Variants in NDUFA10 observed in about 807,000 individuals in gnomAD.
The protein encoded by NDUFA10 is NADH:ubiquinone oxidoreductase subunit A10, also known as NADH dehydrogenase [ubiquinone] 1 alpha subcomplex subunit 10, mitochondrial.
In NDUFA10, 40 loss-of-function variants were observed where a neutral mutation model predicts 47.8. The observed-to-expected ratio is 0.84, with a 90% confidence interval of 0.65 to 1.09. The LOEUF (loss-of-function observed/expected upper bound fraction) is 1.09. Among genes scored for constraint, NDUFA10 ranks in the 50% least tolerant of loss-of-function variants. The pLI, the probability that NDUFA10 is intolerant of heterozygous loss-of-function variation, is 0.00. For synonymous variants in NDUFA10, 183 were observed against 172.2 expected (o/e 1.06, Z -0.49); for missense variants, 413 against 451.1 (o/e 0.92, Z 0.76).
At chr2:239,898,992 T>TGTGATGGAGAGGG (rs1693463567) in intron 4 of NDUFA10, among the ~76,000 whole-genome samples, 1 of 77,694 alleles carries the variant, frequency 1.3e-5, no homozygotes, top group South Asian at 5.5e-4. Context: ...GATGGAGAGG[T>TGTGATGGAGAGGG]GTGATGGAGA....
chr2:239,901,653 G>C (rs1267840856), intron 4 of NDUFA10, among the ~76,000 whole-genome samples: 1 of 151,850 alleles, frequency 6.6e-6, no homozygotes, highest in African/African-American at 2.4e-5. Context: ...AACACATTTT[G>C]TAAGGCTATA....
chr2:239,895,477 C>T (rs1249757153), intron 4 of NDUFA10, among the ~76,000 whole-genome samples: 1 of 152,202 alleles, frequency 6.6e-6, no homozygotes, highest in Non-Finnish European at 1.5e-5. Context: ...AATGAAAACA[C>T]ACAGTCCCTT....
At chr2:239,955,105 A>C (rs1027462673), downstream of NDUFA10, among the ~76,000 whole-genome samples, 3 of 152,210 alleles carry the variant, frequency 2.0e-5, no homozygotes, top group Admixed American at 6.5e-5. Flanking sequence ...ATTTTATTTC[A>C]ATAGGAAGGA....
chr2:239,900,969 T>C (rs933953354), intron 4 of NDUFA10, among the ~76,000 whole-genome samples: 5 of 152,244 alleles, frequency 3.3e-5, no homozygotes, highest in Admixed American at 3.3e-4. Flanking sequence ...AGATCATGGA[T>C]GTAGGTGGTT....
chr2:239,934,937 T>C (rs938820974), intron 4 of NDUFA10, among the ~76,000 whole-genome samples: 4 of 152,216 alleles, frequency 2.6e-5, no homozygotes, highest in African/African-American at 9.7e-5. Flanking sequence ...GTGTAGTTGG[T>C]GCAGCTGCCG....
intron 4 of NDUFA10, among the ~76,000 whole-genome samples, chr2:239,898,599 A>G (rs1275172023): frequency 6.6e-6 from 1 of 152,208 alleles, no homozygotes; most frequent in Non-Finnish European, 1.5e-5. Flanking sequence ...CCTCTCCAGG[A>G]ACGCCTCTCC....
chr2:239,974,653 G>C (rs1400951788), intron 9 of NDUFA10, among the ~76,000 whole-genome samples: 1 of 152,204 alleles, frequency 6.6e-6, no homozygotes, highest in Non-Finnish European at 1.5e-5. Flanking sequence ...GTTCACACAA[G>C]ACCTGGTCAT....
chr2:239,949,525 T>G (rs1008417085), intron 4 of NDUFA10, among the ~76,000 whole-genome samples: 27 of 152,018 alleles, frequency 1.8e-4, no homozygotes, highest in African/African-American at 6.5e-4. Context: ...TTTTTTGCTT[T>G]TGTTTGTTTG....
At chr2:239,919,387 C>T (rs549921888) in intron 4 of NDUFA10, among the ~76,000 whole-genome samples, 167 of 152,008 alleles carry the variant, frequency 1.1e-3, no homozygotes, top group Non-Finnish European at 2.1e-3. Flanking sequence ...TTGAATTACT[C>T]GACTAGCCTA....
In NDUFA10 at chr2:239,979,772, C is replaced by T. The variant is rs1484860837; in HGVS notation, c.999+10302G>A. Among the ~76,000 whole-genome samples, 3 of 152,262 alleles carry T rather than the reference C, an allele frequency of 2.0e-5. No homozygotes were observed. In the East Asian group the frequency reaches 5.8e-4, roughly 29 times the overall value. On this transcript the variant is annotated intron_variant, in intron 9 of 9. Transcript: ENST00000252711. ...CCAGATGATGCCACTCTCTGGCGCA[C>T]CAACGCCACCACCTCACCAGGAGTA...
At chr2:239,901,299 T>G (rs1259670376) in intron 4 of NDUFA10, among the ~76,000 whole-genome samples, 2 of 152,120 alleles carry the variant, frequency 1.3e-5, no homozygotes, top group Non-Finnish European at 2.9e-5. Context: ...CCCAGGAGTT[T>G]GAGGCTGCAG....
At chr2:240,001,867 T>C (rs1402751417) in intron 8 of NDUFA10, among the ~76,000 whole-genome samples, 3 of 152,238 alleles carry the variant, frequency 2.0e-5, no homozygotes, top group South Asian at 2.1e-4. Flanking sequence ...CTCTAATTTC[T>C]GGTCGGTCGC....
chr2:240,014,517 G>C, intron 5 of NDUFA10: 2 of 628,812 alleles, frequency 3.2e-6, no homozygotes, highest in Non-Finnish European at 5.6e-6. Context: ...TGGGACCGCA[G>C]AGCACTGGTG....
In NDUFA10 at chr2:239,967,979, T is replaced by TACACACACACACACAC. The variant is rs61166045; in HGVS notation, c.1000-6809_1000-6794dup. On this transcript the variant is annotated intron_variant, in intron 9 of 9. Transcript: ENST00000252711. ...CAGAAATCAGTCAAGGAAAAAAATA[T>TACACACACACACACAC]ACACACACACACACACACACACACA... Among the ~76,000 whole-genome samples the TACACACACACACACAC allele has an allele frequency of 9.0e-3, 1,323 of 147,544 alleles. 16 individuals carry two copies. The highest frequency in any genetic ancestry group is 0.012 in the Non-Finnish European group (836 of 67,090).
Position 239,987,780 on chromosome 2 carries a change from G to A in NDUFA10, c.999+2294C>T, listed in dbSNP as rs535672874. Among the ~76,000 whole-genome samples the A allele has an allele frequency of 1.3e-5, 2 of 152,350 alleles. No homozygotes were observed. The highest frequency in any genetic ancestry group is 4.1e-4 in the South Asian group (2 of 4,826). Reference sequence around the variant, plus strand: ...CCGAGCACAGCTCCGAACAGTCGCAGATGCCTGTGGGACTAACACGTATGG... The same window carrying A: ...CCGAGCACAGCTCCGAACAGTCGCAAATGCCTGTGGGACTAACACGTATGG... On this transcript the variant is annotated intron_variant, in intron 9 of 9. Transcript: ENST00000252711. This position sits in a 1 kb window ranked among gnomAD's most constrained non-coding sequence, Gnocchi z 4.8.
At chr2:239,963,113 C>T (rs371322528) in intron 9 of NDUFA10, among the ~76,000 whole-genome samples, 3 of 152,088 alleles carry the variant, frequency 2.0e-5, no homozygotes, top group African/African-American at 7.2e-5. Flanking sequence ...TGGATACAGA[C>T]GGTTTTGTTT....
In NDUFA10 at chr2:240,022,231, A is replaced by C. The variant is rs1410788049; in HGVS notation, c.185T>G (p.Val62Gly). ...TTTTCCAGTACATATATTGCCATCT[A>C]CAGTTATCACTCTGCTGCGTTCTGT... is the stretch of plus-strand genomic sequence containing the variant. ...RLTERSRVIT[V>G]DGNICTGKGK... Residue 62 changes from valine (V) to glycine (G), a missense_variant, in exon 2 of 10, where the codon GTA (valine) becomes GGA (glycine). By Grantham distance (109) the Val-to-Gly change is moderately radical (BLOSUM62 -3). Transcript: ENST00000252711. The C allele has an allele frequency of 5.0e-6, 8 of 1,614,048 alleles. No individual in the cohort carries two copies. Among genetic ancestry groups the C allele is most frequent in the Non-Finnish European group, 6.8e-6 (8 of 1,180,048 alleles).
intron 9 of NDUFA10, among the ~76,000 whole-genome samples, chr2:239,965,891 A>G (rs567555437): frequency 5.9e-5 from 9 of 152,200 alleles, no homozygotes; most frequent in Non-Finnish European, 1.3e-4. Context: ...CCCTCGCTGG[A>G]TCTCTAAATT....
intron 1 of NDUFA10, among the ~76,000 whole-genome samples, chr2:240,024,556 T>G (rs1260600801): frequency 6.6e-6 from 1 of 152,224 alleles, no homozygotes; most frequent in Non-Finnish European, 1.5e-5. Context: ...ATTACACACG[T>G]GTCAAAACCT....
Sources: allele counts gnomAD v4.1 joint callset (sites outside exome capture counted in the v4.1 genomes callset), GRCh38; gene constraint gnomAD v4.1.1; non-coding constraint Gnocchi (gnomAD v3.1); transcripts MANE v1.5; gene names NCBI Gene and HGNC (gene_info 2026-07-23, HGNC 2026-07-21).